CHD4: variants seen among roughly 807,000 people sequenced by gnomAD.
CHD4 encodes ATP-dependent chromatin remodeler CHD4.
In CHD4, 35 loss-of-function variants were observed where a neutral mutation model predicts 235.5. The observed-to-expected ratio is 0.15, with a 90% CI of 0.11 to 0.20. CHD4 has a LOEUF of 0.20. CHD4 is among the 10% of genes least tolerant of loss of function. The probability of loss-of-function intolerance (pLI) is 1.00; values close to 1 mark genes in which losing one functional copy is unlikely to be tolerated. For synonymous variants in CHD4, 900 were observed against 850.2 expected, an observed-to-expected ratio of 1.06 and a Z score of -1.02; for missense variants, 1,329 against 2,432.3, an observed-to-expected ratio of 0.55 and a Z score of 9.54.
intron 22 of CHD4, among the ~76,000 whole-genome samples, chr12:6,589,669 A>C (rs1457190677): frequency 6.6e-6 from 1 of 151,868 alleles, no homozygotes; most frequent in Non-Finnish European, 1.5e-5. Context: ...CGGGAGGCTG[A>C]GGCAGCAGAA....
At position 6,578,488 on chromosome 12, in the gene CHD4, G is replaced by A. The variant is rs1463389908; in HGVS notation, c.5040C>T (p.Pro1680=). The stretch of plus-strand genomic sequence containing the variant: ...TCTGTTTCTCATCATTCAGGTCCTT[G>A]GGGGTCTCTCCATTCTGAAGCATCA... The part of the protein sequence containing the change: ...KEVMLQNGET[P]KDLNDEKQKK... The change falls in exon 35 of 40, where the codon CCC becomes CCT. Residue 1680 remains proline, a synonymous_variant. Coordinates refer to ENST00000544040, the MANE Select transcript of CHD4 (RefSeq NM_001273.5). 2 of 1,613,760 alleles carry A rather than the reference G, an allele frequency of 1.2e-6. No individual in the cohort carries two copies. Among genetic ancestry groups the A allele is most frequent in the African/African-American group, 2.7e-5 (2 of 74,994 alleles).
chr12:6,574,060 GTTT>G (rs1021248848), intron 37 of CHD4, among the ~76,000 whole-genome samples: 1 of 152,048 alleles, frequency 6.6e-6, no homozygotes, highest in Non-Finnish European at 1.5e-5. Context: ...AAATATTTTT[GTTT>G]TTTATTTCCT....
At chr12:6,571,435 G>A (rs1202251742) in intron 38 of CHD4, 1 of 178,658 alleles carries the variant, frequency 5.6e-6, no homozygotes, top group Non-Finnish European at 1.2e-5. Context: ...AGAATTTGAA[G>A]GGATCTTTTA....
chr12:6,589,245 T>C (rs1948351340), intron 22 of CHD4, among the ~76,000 whole-genome samples: 1 of 152,172 alleles, frequency 6.6e-6, no homozygotes. Flanking sequence ...ATAATCATTG[T>C]AATCAAGGTC....
chr12:6,583,846 A>T (rs17788055), intron 25 of CHD4: 5,942 of 153,334 alleles, frequency 0.039, 163 homozygotes, highest in Non-Finnish European at 0.063. Flanking sequence ...CTGCAGAACG[A>T]AAAGAATTCT....
chr12:6,576,124 C>T (rs1217798465), intron 37 of CHD4, among the ~76,000 whole-genome samples: 3 of 151,732 alleles, frequency 2.0e-5, no homozygotes, highest in South Asian at 2.1e-4. Flanking sequence ...TTTGGGAGTC[C>T]GAGGCGGGCA....
At chr12:6,577,543 A>C (rs534112031) in intron 37 of CHD4, among the ~76,000 whole-genome samples, 2 of 152,292 alleles carry the variant, frequency 1.3e-5, no homozygotes, top group East Asian at 1.9e-4. Context: ...TTCCCCAAAC[A>C]AACCCCTCTG....
At chr12:6,575,785 C>CCCGT (rs1429821838) in intron 37 of CHD4, among the ~76,000 whole-genome samples, 1 of 152,158 alleles carries the variant, frequency 6.6e-6, no homozygotes, top group Non-Finnish European at 1.5e-5. Context: ...TGACCTCTAG[C>CCCGT]CCGTCCACCT....
intron 2 of CHD4, among the ~76,000 whole-genome samples, chr12:6,604,413 G>A (rs1318778411): frequency 1.3e-5 from 2 of 152,126 alleles, no homozygotes; most frequent in Non-Finnish European, 2.9e-5. Flanking sequence ...CATTAGGCTG[G>A]ACAAAGCACC....
In CHD4 at chr12:6,593,791, C is replaced by A. The variant is rs1279774714; in HGVS notation, c.2314-175G>T. On this transcript the variant is annotated intron_variant, in intron 15 of 39. Coordinates refer to ENST00000544040, the MANE Select transcript of CHD4 (RefSeq NM_001273.5). This position sits in a 1 kb window ranked among gnomAD's most constrained non-coding sequence, Gnocchi z 4.9. ...CCCAGCCCACTCCTTTCCAAAAACC[C>A]AAGGTCCCACCATAACTACAAGTCT... Among the ~76,000 whole-genome samples the A allele has an allele frequency of 6.6e-6, 1 of 152,154 alleles. No homozygotes were observed. The highest frequency in any genetic ancestry group is 1.5e-5 in the Non-Finnish European group (1 of 68,036).
In CHD4 at chr12:6,574,479, CTTAAT is replaced by C. The variant is rs147588825; in HGVS notation, c.5362-1215_5362-1211del. On this transcript the variant is annotated intron_variant, in intron 37 of 39. Coordinates refer to ENST00000544040, the MANE Select transcript of CHD4 (RefSeq NM_001273.5). ...TATCCCAAGAGGCAGAATGTTGGTT[CTTAAT>C]TTATGAAAAGATTTTAATTACTTAA... 9.7e-4 allele frequency among the ~76,000 whole-genome samples: 147 copies of C among 152,256 alleles called. 1 individual carries two copies. The East Asian group carries it at 0.024, about 25-fold the overall frequency.
At position 6,601,950 on chromosome 12, in the gene CHD4, G is replaced by A. The variant is rs1948600112; in HGVS notation, c.438+10C>T. 6 of 1,607,050 alleles carry A rather than the reference G, an allele frequency of 3.7e-6. No individual in the cohort carries two copies. The highest frequency in any genetic ancestry group is 1.1e-5 in the South Asian group (1 of 91,080). ...TAACAGTACAAAGAAGAGGATGGAG[G>A]TCCAGGCACCTTTGAATCATCATCA... On this transcript the variant is annotated intron_variant, in intron 4 of 39. Coordinates refer to ENST00000544040, the MANE Select transcript of CHD4 (RefSeq NM_001273.5).
At position 6,581,087 on chromosome 12, in the gene CHD4, C is replaced by G; in HGVS notation, c.4866G>C (p.Glu1622Asp). Reference protein sequence around the residue: ...PEGEEKVEKAEVKERTEEPME... With the variant: ...PEGEEKVEKADVKERTEEPME... Reference sequence around the variant, plus strand: ...TAGGTTCCTCTGTTCTCTCCTTCACCTCTGCCTTTTCCACTTTCTCCTCTC... The same window carrying G: ...TAGGTTCCTCTGTTCTCTCCTTCACGTCTGCCTTTTCCACTTTCTCCTCTC... Residue 1622 changes from glutamate to aspartate, a missense_variant, in exon 33 of 40, where the codon GAG (glutamate) becomes GAC (aspartate). Glu to Asp is a conservative substitution (Grantham distance 45, BLOSUM62 2). Coordinates refer to ENST00000544040, the MANE Select transcript of CHD4 (RefSeq NM_001273.5). 6.2e-7 allele frequency: 1 copy of G among 1,614,144 alleles called. No homozygotes were observed. The highest frequency in any genetic ancestry group is 1.1e-5 in the South Asian group (1 of 91,084).
Position 6,577,417 on chromosome 12 carries a change from C to CAA in CHD4, c.5361+366_5361+367dup, listed in dbSNP as rs60910415. Among the ~76,000 whole-genome samples, 161 of 87,114 alleles carry CAA rather than the reference C, an allele frequency of 1.8e-3. No homozygotes were observed. In the East Asian group the frequency reaches 0.024, roughly 13 times the overall value. 57.2% of individuals were successfully genotyped at this position (87,114 alleles called of 152,430 possible). ...AGCCTGGGCGACAGAGATTCTGCCT[C>CAA]AAAAAAAAAAAAAAAAAAAAAACAA... On this transcript the variant is annotated intron_variant, in intron 37 of 39. Transcript: ENST00000544040.
chr12:6,580,704 GAAA>G (rs57266458), intron 33 of CHD4: 56 of 43,436 alleles, frequency 1.3e-3, no homozygotes, highest in Non-Finnish European at 1.6e-3. Flanking sequence ...AAACTCCTTT[GAAA>G]AAAAAAAAAA....
At chr12:6,600,188 C>G in intron 9 of CHD4, 29 bp downstream of exon 9, 1 of 1,611,468 alleles carries the variant, frequency 6.2e-7, no homozygotes. Context: ...CTCATGGGTT[C>G]CAAGGGGCCA....
intron 12 of CHD4, among the ~76,000 whole-genome samples, chr12:6,596,528 G>C (rs954251625): frequency 1.3e-5 from 2 of 151,374 alleles, no homozygotes; most frequent in Non-Finnish European, 2.9e-5. Context: ...GGCCGGGCGC[G>C]GTGGCTCACG....
At chr12:6,578,985 T>C in intron 33 of CHD4, 68 bp from the exon 34 acceptor site, 1 of 1,425,006 alleles carries the variant, frequency 7.0e-7, no homozygotes, top group Non-Finnish European at 9.9e-7. Flanking sequence ...CACACTATTA[T>C]CCAATTGGAT....
chr12:6,601,398 T>TGCC lies in CHD4; in HGVS notation c.687_689dup (p.Ala233dup), dbSNP rs1948589683. The TGCC allele has an allele frequency of 6.2e-7, 1 of 1,614,156 alleles. No individual in the cohort carries two copies. The highest frequency in any genetic ancestry group is 8.5e-7 in the Non-Finnish European group (1 of 1,180,020). ...TCTCCACCACAGCTACCGCTGCTGCTGCCGCAGCTGCCACTGATGCCCCAG... is the reference window on the plus strand; with the variant it reads ...TCTCCACCACAGCTACCGCTGCTGCTGCCGCCGCAGCTGCCACTGATGCCCCAG... On this transcript the variant is annotated inframe_insertion, in exon 6 of 40. Coordinates refer to ENST00000544040, the MANE Select transcript of CHD4 (RefSeq NM_001273.5).
Sources: allele counts gnomAD v4.1 joint callset (sites outside exome capture counted in the v4.1 genomes callset), GRCh38; gene constraint gnomAD v4.1.1; non-coding constraint Gnocchi (gnomAD v3.1); transcripts MANE v1.5; gene names NCBI Gene and HGNC (gene_info 2026-07-23, HGNC 2026-07-21).